The following ARB2A variants were observed in gnomAD, a reference collection of about 807,000 sequenced individuals.
The protein encoded by ARB2A is ARB2 cotranscriptional regulator A, also known as cotranscriptional regulator ARB2A.
chr5:94,094,321 G>A, the ARB2A span, among the ~76,000 whole-genome samples: 2 of 152,124 alleles, frequency 1.3e-5, no homozygotes, highest in Admixed American at 1.3e-4. Flanking sequence ...TCCTTACATG[G>A]TAAAGAGAAA....
chr5:94,034,917 G>A, the ARB2A span, among the ~76,000 whole-genome samples: 1 of 152,140 alleles, frequency 6.6e-6, no homozygotes. Context: ...AAACCCTACT[G>A]TGAACTGTAC....
At chr5:93,773,480 C>A in the ARB2A span, among the ~76,000 whole-genome samples, 1 of 152,188 alleles carries the variant, frequency 6.6e-6, no homozygotes, top group African/African-American at 2.4e-5. Flanking sequence ...TCACCTAATT[C>A]AGGCAGGACG....
chr5:93,895,975 G>A, the ARB2A span, among the ~76,000 whole-genome samples: 1 of 151,706 alleles, frequency 6.6e-6, no homozygotes, highest in South Asian at 2.1e-4. Context: ...CTTATAAGTG[G>A]TTACAAAATA....
the ARB2A span, among the ~76,000 whole-genome samples, chr5:94,010,538 T>C: frequency 6.6e-6 from 1 of 152,298 alleles, no homozygotes; most frequent in Non-Finnish European, 1.5e-5. Flanking sequence ...AAGCAGTTGA[T>C]GCTTTCCCAA....
the ARB2A span, among the ~76,000 whole-genome samples, chr5:94,059,915 T>A: frequency 1.3e-5 from 2 of 152,132 alleles, no homozygotes; most frequent in Non-Finnish European, 2.9e-5. Flanking sequence ...CAAATGATAC[T>A]AAACAGAAAT....
the ARB2A span, among the ~76,000 whole-genome samples, chr5:93,763,410 A>T: frequency 1.3e-5 from 2 of 152,228 alleles, no homozygotes; most frequent in African/African-American, 4.8e-5. Context: ...GTCTCTGATA[A>T]AACAGACTTT....
chr5:93,782,208 A>T, the ARB2A span, among the ~76,000 whole-genome samples: 1 of 152,150 alleles, frequency 6.6e-6, no homozygotes, highest in South Asian at 2.1e-4. Context: ...AATCTCTGAG[A>T]TATTATAGTG....
At chr5:94,003,836 T>C in the ARB2A span, among the ~76,000 whole-genome samples, 1,002 of 152,210 alleles carry the variant, frequency 6.6e-3, 7 homozygotes, top group African/African-American at 0.022. Flanking sequence ...TTGGTAGATA[T>C]AGATGATTAT....
chr5:93,752,024 CAG>C, the ARB2A span, among the ~76,000 whole-genome samples: 1 of 152,194 alleles, frequency 6.6e-6, no homozygotes, highest in African/African-American at 2.4e-5. Flanking sequence ...GCTGGAAGGA[CAG>C]AGTCTTCAGG....
the ARB2A span, among the ~76,000 whole-genome samples, chr5:93,991,048 C>G: frequency 6.6e-6 from 1 of 152,062 alleles, no homozygotes; most frequent in African/African-American, 2.4e-5. Context: ...TGGCTGAATA[C>G]TAAGTTGTAT....
the ARB2A span, among the ~76,000 whole-genome samples, chr5:93,729,296 C>T: frequency 6.6e-6 from 1 of 152,126 alleles, no homozygotes; most frequent in African/African-American, 2.4e-5. Context: ...TCACTTCTTT[C>T]CTCTCTCAAG....
At chr5:94,068,009 G>A in the ARB2A span, among the ~76,000 whole-genome samples, 3 of 152,200 alleles carry the variant, frequency 2.0e-5, no homozygotes, top group Non-Finnish European at 4.4e-5. Context: ...GCTCATGCCT[G>A]TAATCCCAGC....
At chr5:93,741,619 A>C in the ARB2A span, 3 of 1,446,114 alleles carry the variant, frequency 2.1e-6, no homozygotes, top group Non-Finnish European at 2.7e-6. Flanking sequence ...TCGAGGCTTC[A>C]GAACAGCCAC....
the ARB2A span, among the ~76,000 whole-genome samples, chr5:93,674,156 TAA>T: frequency 1.3e-5 from 2 of 151,694 alleles, no homozygotes; most frequent in African/African-American, 4.8e-5. Context: ...CTGAAATTTG[TAA>T]AGTTTCAATT....
chr5:93,663,834 A>G, the ARB2A span, among the ~76,000 whole-genome samples: 1 of 152,218 alleles, frequency 6.6e-6, no homozygotes, highest in Non-Finnish European at 1.5e-5. Context: ...GTTACAATGA[A>G]ATATTATATC....
chr5:94,066,255 A>T, the ARB2A span, among the ~76,000 whole-genome samples: 9 of 152,142 alleles, frequency 5.9e-5, no homozygotes, highest in African/African-American at 2.2e-4. Flanking sequence ...AAAGATTTCA[A>T]ATAATCTAAG....
chr5:93,689,743 A>T, the ARB2A span, among the ~76,000 whole-genome samples: 3 of 149,236 alleles, frequency 2.0e-5, no homozygotes, highest in Non-Finnish European at 3.0e-5. Flanking sequence ...TCCGGGCTGG[A>T]GTGTAATGGT....
At chr5:94,090,857 CA>C in the ARB2A span, among the ~76,000 whole-genome samples, 3 of 152,188 alleles carry the variant, frequency 2.0e-5, no homozygotes, top group Non-Finnish European at 2.9e-5. Context: ...ACCAGCCTTG[CA>C]TCCCATATCA....
At chr5:93,957,802 G>A in the ARB2A span, among the ~76,000 whole-genome samples, 17 of 152,070 alleles carry the variant, frequency 1.1e-4, no homozygotes, top group Middle Eastern at 3.4e-3. Flanking sequence ...GTAATCATCA[G>A]CGTATTAAAG....
Sources: gnomAD v4.1 joint callset for allele counts (sites outside exome capture counted in the v4.1 genomes callset) on GRCh38, gnomAD v4.1.1 for gene constraint, MANE v1.5 for transcripts, NCBI Gene and HGNC (gene_info 2026-07-23, HGNC 2026-07-21) for gene names.